WDR86: variants seen among roughly 807,000 people sequenced by gnomAD.
WDR86 encodes the protein WD repeat domain 86, also known as WD repeat-containing protein 86.
Under a neutral mutation model 36.5 loss-of-function variants are expected in WDR86, and 30 were observed. The observed-to-expected ratio is 0.82, with a 90% CI of 0.61 to 1.11. The LOEUF is 1.11. WDR86 is among the 50% of genes most tolerant of loss of function. WDR86 has a pLI of 0.00. For synonymous variants in WDR86, 255 were observed against 252.9 expected (o/e 1.01, Z -0.08); for missense variants, 545 against 561.2 (o/e 0.97, Z 0.29).
intron 4 of WDR86, 40 bp from the exon 5 acceptor site, chr7:151,382,021 C>T (rs747011879): frequency 4.8e-5 from 74 of 1,537,698 alleles, no homozygotes; most frequent in Non-Finnish European, 5.7e-5. Flanking sequence ...CCTCCCTGCT[C>T]GGCCCCCCGC....
At chr7:151,402,061 A>AAG (rs1584786133) in intron 1 of WDR86, among the ~76,000 whole-genome samples, 2 of 110,862 alleles carry the variant, frequency 1.8e-5, no homozygotes, top group East Asian at 4.7e-4. Context: ...AAAAAAAAAA[A>AAG]AAAAAAAAAA....
rs186399464 is a variant in WDR86, at chr7:151,405,228, G to A, written c.163+4199C>T. Among the ~76,000 whole-genome samples, 673 of 149,876 alleles carry A rather than the reference G, an allele frequency of 4.5e-3. 9 individuals carry two copies. The highest frequency in any genetic ancestry group is 0.016 in the African/African-American group (652 of 40,068). On this transcript the variant is annotated intron_variant, in intron 1 of 5. Transcript: ENST00000334493. The surrounding 1 kb of genome is among the most constrained non-coding windows in gnomAD (Gnocchi z 4.7). ...AAAGAGGGAGCCCACCGTGGGTTCC[G>A]ACAAGTGGGAGCCGCAGCTGGAGAC...
At chr7:151,374,454 G>A (rs1006995405), downstream of WDR86, 2 of 652,270 alleles carry the variant, frequency 3.1e-6, no homozygotes, top group African/African-American at 3.6e-5. Flanking sequence ...GCCCAGGCCT[G>A]GCTCCAAAAC....
chr7:151,409,212 G>T lies in WDR86; in HGVS notation c.163+215C>A. ...ACCCACCCGATCCCGGCCGCACCCTGCTCTGCACCCGCACCCCACCCCCAG... is the reference window on the plus strand; with the variant it reads ...ACCCACCCGATCCCGGCCGCACCCTTCTCTGCACCCGCACCCCACCCCCAG... On this transcript the variant is annotated intron_variant, in intron 1 of 5. Coordinates refer to ENST00000334493, the MANE Select transcript of WDR86 (RefSeq NM_198285.3). The surrounding 1 kb of genome is among the most constrained non-coding windows in gnomAD (Gnocchi z 5.2). 4.1e-6 allele frequency: 3 copies of T among 739,540 alleles called. No individual in the cohort carries two copies. Among genetic ancestry groups the T allele is most frequent in the East Asian group, 2.9e-5 (1 of 34,296 alleles). 45.8% of individuals were successfully genotyped at this position (739,540 alleles called of 1,614,324 possible).
intron 2 of WDR86, among the ~76,000 whole-genome samples, chr7:151,398,597 ATG>A (rs749800501): frequency 2.7e-5 from 4 of 149,980 alleles, no homozygotes; most frequent in Middle Eastern, 3.5e-3. Context: ...GTGTATATGT[ATG>A]TGTGCGCACG....
chr7:151,410,032 A>C lies in WDR86; in HGVS notation c.-443T>G. On this transcript the variant is annotated 5_prime_UTR_variant, in exon 1 of 6. Transcript: ENST00000334493. ...GCCCTCCCCGGCCGAGCGCGGAACA[A>C]TACGGTCCAGCCTGGCTCCTCCTCA... 4.0e-6 allele frequency: 4 copies of C among 989,874 alleles called. No homozygotes were observed. Among genetic ancestry groups the C allele is most frequent in the Admixed American group, 6.1e-5 (1 of 16,368 alleles). The allele number at this position is 989,874 out of a possible 1,614,324, so 61.3% of individuals were successfully genotyped here. A position where few individuals can be genotyped will look rare whatever the true frequency, so the allele number is the denominator to read the frequency against.
downstream of WDR86, among the ~76,000 whole-genome samples, chr7:151,375,096 G>A (rs1798153427): frequency 6.6e-6 from 1 of 152,076 alleles, no homozygotes; most frequent in African/African-American, 2.4e-5. Flanking sequence ...GCTGAGGCGG[G>A]TGTGGGTGCA....
downstream of WDR86, chr7:151,376,748 G>A (rs571331739): frequency 2.6e-5 from 42 of 1,598,608 alleles, 1 homozygote; most frequent in East Asian, 5.0e-4. Context: ...CCTGCCTCCC[G>A]AGCTGCCGCT....
chr7:151,404,321 G>T (rs2150863725), intron 1 of WDR86, among the ~76,000 whole-genome samples: 1 of 152,330 alleles, frequency 6.6e-6, no homozygotes, highest in East Asian at 1.9e-4. Flanking sequence ...GCCCACAGAG[G>T]CCCACAGCGT....
intron 3 of WDR86, 88 bp from the exon 4 acceptor site, chr7:151,385,311 G>T (rs778098478): frequency 3.2e-6 from 5 of 1,567,306 alleles, no homozygotes; most frequent in African/African-American, 2.7e-5. Context: ...AGGGGCATGT[G>T]CAGGTCTCAG....
intron 3 of WDR86, 140 bp from the exon 4 acceptor site, chr7:151,385,363 C>T: frequency 7.1e-7 from 1 of 1,410,008 alleles, no homozygotes. Context: ...CCGCCACCGG[C>T]CCCACCAGAC....
chr7:151,400,364 G>A (rs931782770), intron 1 of WDR86, 123 bp from the exon 2 acceptor site: 4 of 1,066,258 alleles, frequency 3.8e-6, no homozygotes, highest in African/African-American at 1.6e-5. Context: ...ACAAGCTGGA[G>A]TCAATTAGCA....
downstream of WDR86, among the ~76,000 whole-genome samples, chr7:151,375,042 G>T (rs1474500659): frequency 6.6e-6 from 1 of 150,438 alleles, no homozygotes; most frequent in Non-Finnish European, 1.5e-5. Flanking sequence ...ACAGAGATGG[G>T]GTTGGAGGGG....
At chr7:151,381,024 G>T, downstream of WDR86, 1 of 580,090 alleles carries the variant, frequency 1.7e-6, no homozygotes, top group Non-Finnish European at 2.3e-6. The surrounding 1 kb of genome is among the most constrained non-coding windows in gnomAD (Gnocchi z 4.8). Flanking sequence ...GTTGTGAGAG[G>T]CAGAGGGCAG....
Position 151,390,749 on chromosome 7 carries a change from A to G in WDR86, c.726+5027T>C, listed in dbSNP as rs1799370770. Among the ~76,000 whole-genome samples the G allele has an allele frequency of 6.6e-6, 1 of 152,222 alleles. No individual in the cohort carries two copies. Among genetic ancestry groups the G allele is most frequent in the Middle Eastern group, 3.2e-3 (1 of 316 alleles). The stretch of plus-strand genomic sequence containing the variant: ...AATCTCATCACACACCACAACACAG[A>G]CGAACCCTGAAGATCTTATGCTCAT... On this transcript the variant is annotated intron_variant, in intron 3 of 5. Coordinates refer to ENST00000334493, the MANE Select transcript of WDR86 (RefSeq NM_198285.3). This position sits in a 1 kb window ranked among gnomAD's most constrained non-coding sequence, Gnocchi z 4.5.
downstream of WDR86, among the ~76,000 whole-genome samples, chr7:151,374,977 C>T (rs186263116): frequency 9.4e-5 from 12 of 128,146 alleles, no homozygotes; most frequent in Admixed American, 2.9e-4. Flanking sequence ...GGGCAGGAAG[C>T]AGAGTGGTAG....
At chr7:151,386,172 G>T (rs1296731753) in intron 3 of WDR86, among the ~76,000 whole-genome samples, 1 of 152,188 alleles carries the variant, frequency 6.6e-6, no homozygotes, top group Non-Finnish European at 1.5e-5. Flanking sequence ...CCACCGGCAG[G>T]CAGTCAGTTC....
chr7:151,396,021 C>T lies in WDR86; in HGVS notation c.481G>A (p.Ala161Thr), dbSNP rs376781325. ...LPSTPCAEEA[A>T]AGGLLVTGST... Reference sequence around the variant, plus strand: ...CCGGTCACCAGAAGCCCCCCGGCCGCGGCCTCCTCCGCGCAGGGAGTGCTG... The same window carrying T: ...CCGGTCACCAGAAGCCCCCCGGCCGTGGCCTCCTCCGCGCAGGGAGTGCTG... The change falls in exon 3 of 6, where the codon GCG becomes ACG. Residue 161 changes from alanine (A) to threonine (T), a missense_variant. By Grantham distance (58) the Ala-to-Thr change is moderately conservative. Transcript: ENST00000334493. 33 of 1,605,114 alleles carry T rather than the reference C, an allele frequency of 2.1e-5. No individual in the cohort carries two copies. Among genetic ancestry groups the T allele is most frequent in the South Asian group, 1.2e-4 (11 of 90,342 alleles).
chr7:151,383,759 T>C (rs571607711), intron 4 of WDR86, among the ~76,000 whole-genome samples: 49 of 152,350 alleles, frequency 3.2e-4, no homozygotes, highest in African/African-American at 1.1e-3. Flanking sequence ...GTGTGGCTGC[T>C]GAGCTCCCCG....
Sources: allele counts gnomAD v4.1 joint callset (sites outside exome capture counted in the v4.1 genomes callset), GRCh38; gene constraint gnomAD v4.1.1; non-coding constraint Gnocchi (gnomAD v3.1); transcripts MANE v1.5; gene names NCBI Gene and HGNC (gene_info 2026-07-23, HGNC 2026-07-21).